Variants in SP140 observed in about 807,000 individuals in gnomAD.
SP140 encodes the protein nuclear body protein SP140.
SP140 carries 81 observed loss-of-function variants against 125.0 expected under a neutral mutation model. That is an observed-to-expected ratio of 0.65 (90% CI 0.54 to 0.78). SP140 has a LOEUF of 0.78. Ranked by LOEUF, SP140 falls within the 30% of genes least tolerant of loss-of-function variation. The pLI, the probability that SP140 is intolerant of heterozygous loss-of-function variation, is 0.00. For synonymous variants in SP140, 312 were observed against 354.0 expected (o/e 0.88, Z 1.33); for missense variants, 858 against 1,037.0 (o/e 0.83, Z 2.37).
In SP140 at chr2:230,300,413, A is replaced by G. The variant is rs573798340; in HGVS notation, c.2058+2951A>G. Among the ~76,000 whole-genome samples the G allele has an allele frequency of 1.4e-4, 21 of 152,244 alleles. No homozygotes were observed. In the South Asian group the frequency reaches 2.7e-3, roughly 20 times the overall value. On this transcript the variant is annotated intron_variant, in intron 22 of 26. Transcript: ENST00000392045. ...ACAGAATCCACTTCACTCCCCTGCT[A>G]CCTCCACTGGAGCACGTGCTGGTAC...
chr2:230,256,857 C>T (rs1033707316), intron 12 of SP140, among the ~76,000 whole-genome samples: 2 of 152,134 alleles, frequency 1.3e-5, no homozygotes, highest in African/African-American at 4.8e-5. Context: ...TTGACCAGTA[C>T]TTTCCATTAT....
upstream of SP140, chr2:230,203,079 T>C (rs2043342680): frequency 5.9e-6 from 2 of 337,020 alleles, no homozygotes; most frequent in Non-Finnish European, 1.1e-5. Flanking sequence ...AGGTGTCTTA[T>C]AAAGCACCTC....
intron 15 of SP140, among the ~76,000 whole-genome samples, chr2:230,282,615 T>C (rs1449554615): frequency 7.0e-6 from 1 of 143,560 alleles, no homozygotes; most frequent in African/African-American, 2.6e-5. Context: ...CTGGACAACA[T>C]AGTGAGACCC....
At chr2:230,267,687 G>A (rs2053334158) in intron 12 of SP140, among the ~76,000 whole-genome samples, 1 of 152,168 alleles carries the variant, frequency 6.6e-6, no homozygotes, top group Admixed American at 6.5e-5. Context: ...TTATGGCTTT[G>A]GCAAAGACAA....
chr2:230,240,665 C>T (rs1369656676), intron 3 of SP140, among the ~76,000 whole-genome samples: 1 of 152,190 alleles, frequency 6.6e-6, no homozygotes, highest in Non-Finnish European at 1.5e-5. Context: ...ATACCAAGTG[C>T]TGATGAGAAT....
At chr2:230,202,455 C>T (rs1236251504), upstream of SP140, 23 of 868,882 alleles carry the variant, frequency 2.6e-5, no homozygotes, top group Middle Eastern at 1.6e-3. Flanking sequence ...TATACCCCAT[C>T]CTCATTCTCT....
chr2:230,257,963 G>A (rs1373156484), intron 12 of SP140, among the ~76,000 whole-genome samples: 1 of 151,754 alleles, frequency 6.6e-6, no homozygotes, highest in Non-Finnish European at 1.5e-5. Context: ...GTGAAAGCAG[G>A]GTCACTGGAG....
chr2:230,193,254 A>T, the SP140 span, among the ~76,000 whole-genome samples: 3 of 152,124 alleles, frequency 2.0e-5, no homozygotes, highest in Non-Finnish European at 4.4e-5. Flanking sequence ...CTTGTGTGTT[A>T]AGTGAGTCTC....
At chr2:230,241,327 A>C in intron 3 of SP140, 77 bp from the exon 4 acceptor site, 1 of 899,998 alleles carries the variant, frequency 1.1e-6, no homozygotes, top group Non-Finnish European at 1.9e-6. Context: ...CTTGGACATC[A>C]AGTTCATCTT....
intron 12 of SP140, among the ~76,000 whole-genome samples, chr2:230,257,794 A>G (rs990270470): frequency 1.6e-4 from 24 of 152,138 alleles, no homozygotes; most frequent in African/African-American, 5.6e-4. Context: ...ATAAGGGGCC[A>G]CCACTTAATA....
At chr2:230,285,563 G>C (rs1319504711) in intron 16 of SP140, among the ~76,000 whole-genome samples, 189 bp from the exon 17 acceptor site, 1 of 152,264 alleles carries the variant, frequency 6.6e-6, no homozygotes, top group African/African-American at 2.4e-5. Flanking sequence ...AATTCTAAGA[G>C]ACTTCAATGT....
chr2:230,285,722 A>G (rs200876687), intron 16 of SP140, 30 bp from the exon 17 acceptor site: 114 of 1,572,738 alleles, frequency 7.2e-5, no homozygotes, highest in Non-Finnish European at 9.6e-5. Context: ...GCCCAGTTCT[A>G]TTAATACATT....
the SP140 span, among the ~76,000 whole-genome samples, chr2:230,187,501 T>C: frequency 1.3e-5 from 2 of 152,310 alleles, no homozygotes. Flanking sequence ...TTTAATTAAG[T>C]CCCATTTATT....
At chr2:230,284,985 G>A (rs2056165461) in intron 16 of SP140, among the ~76,000 whole-genome samples, 1 of 152,036 alleles carries the variant, frequency 6.6e-6, no homozygotes, top group Non-Finnish European at 1.5e-5. Context: ...AAATGTATGT[G>A]TATATATTAA....
rs140158252 is a variant in SP140 at position 230,282,192 on chromosome 2, C to A, written c.1499-2154C>A. 9.1e-4 allele frequency among the ~76,000 whole-genome samples: 139 copies of A among 152,266 alleles called. 1 individual carries two copies. The highest frequency in any genetic ancestry group is 1.7e-3 in the Non-Finnish European group (115 of 68,002). On this transcript the variant is annotated intron_variant, in intron 15 of 26. Coordinates refer to ENST00000392045, the MANE Select transcript of SP140 (RefSeq NM_007237.5). ...TCTCCTCTGGGGATCTTAAGCAAAT[C>A]TCTTCTGGAGGCATCTCCTCTGGAA...
intron 3 of SP140, among the ~76,000 whole-genome samples, chr2:230,218,012 C>T (rs1165380432): frequency 3.3e-5 from 5 of 152,216 alleles, no homozygotes; most frequent in South Asian, 2.1e-4. Flanking sequence ...CTCAGACATG[C>T]GCCTTTTCCC....
chr2:230,299,382 G>A (rs2058075547), intron 22 of SP140, among the ~76,000 whole-genome samples: 1 of 152,228 alleles, frequency 6.6e-6, no homozygotes, highest in African/African-American at 2.4e-5. Flanking sequence ...AATTTAGAAA[G>A]CTGGGTGAAA....
chr2:230,224,837 C>G (rs2046141747), upstream of SP140, among the ~76,000 whole-genome samples: 1 of 152,118 alleles, frequency 6.6e-6, no homozygotes, highest in Non-Finnish European at 1.5e-5. Flanking sequence ...CTCATCAGCC[C>G]CCTGTCTTTG....
At chr2:230,248,089 A>G (rs1163938786) in intron 8 of SP140, 24 bp downstream of exon 8, 1 of 1,610,762 alleles carries the variant, frequency 6.2e-7, no homozygotes, top group African/African-American at 1.3e-5. Flanking sequence ...AAGCAGAGAC[A>G]TGTGTCAAGG....
Sources: gnomAD v4.1 joint callset for allele counts (sites outside exome capture counted in the v4.1 genomes callset) on GRCh38, gnomAD v4.1.1 for gene constraint, MANE v1.5 for transcripts, NCBI Gene and HGNC (gene_info 2026-07-23, HGNC 2026-07-21) for gene names.